AUH: variants seen among roughly 807,000 people sequenced by gnomAD.
The protein encoded by AUH is AU RNA binding methylglutaconyl-CoA hydratase.
In AUH, 29 loss-of-function variants were observed where a neutral mutation model predicts 42.3. That is an observed-to-expected ratio of 0.69 (90% CI 0.51 to 0.93). The LOEUF (loss-of-function observed/expected upper bound fraction) is 0.93. AUH is among the 40% of genes least tolerant of loss of function. AUH has a pLI of 0.00. For missense variants in AUH, 452 were observed against 438.1 expected, an observed-to-expected ratio of 1.03 and a Z score of -0.28; for synonymous variants, 174 against 166.4, an observed-to-expected ratio of 1.05 and a Z score of -0.35.
rs528237604 is a variant in AUH at position 91,301,591 on chromosome 9, G to A, written c.506-3515C>T. 1.2e-4 allele frequency among the ~76,000 whole-genome samples: 18 copies of A among 152,266 alleles called. No homozygotes were observed. The South Asian group carries it at 3.1e-3, about 26-fold the overall frequency. On this transcript the variant is annotated intron_variant, in intron 4 of 9. Transcript: ENST00000375731. ...TATGTTTCTAAAGAGGATGAAAATTGTGTGCCCTTGAGAAGCTTAACAATT... is the reference window on the plus strand; with the variant it reads ...TATGTTTCTAAAGAGGATGAAAATTATGTGCCCTTGAGAAGCTTAACAATT...
At chr9:91,224,881 A>G (rs549047224) in intron 6 of AUH, among the ~76,000 whole-genome samples, 2 of 152,322 alleles carry the variant, frequency 1.3e-5, no homozygotes, top group South Asian at 4.1e-4. Context: ...CAAGGTTTAT[A>G]AAAATGATAT....
At chr9:91,261,448 G>A (rs957045219) in intron 6 of AUH, among the ~76,000 whole-genome samples, 1 of 152,150 alleles carries the variant, frequency 6.6e-6, no homozygotes, top group Admixed American at 6.5e-5. Context: ...AATGTTCCCA[G>A]TTCACTTCTG....
At chr9:91,274,144 A>G (rs763427913) in intron 6 of AUH, among the ~76,000 whole-genome samples, 4 of 152,240 alleles carry the variant, frequency 2.6e-5, no homozygotes, top group Non-Finnish European at 5.9e-5. Context: ...ACTGATTATT[A>G]GCAGAAACAA....
intron 6 of AUH, among the ~76,000 whole-genome samples, chr9:91,236,557 A>T (rs1828196066): frequency 6.6e-6 from 1 of 152,166 alleles, no homozygotes; most frequent in Non-Finnish European, 1.5e-5. Flanking sequence ...GTGGCCCCAG[A>T]CCTGAGGACT....
chr9:91,294,606 A>C, intron 6 of AUH: 1 of 431,376 alleles, frequency 2.3e-6, no homozygotes, highest in South Asian at 1.7e-5. Flanking sequence ...ATAGACAGTG[A>C]TTCCTCTTAT....
At chr9:91,317,864 C>T (rs1829273516) in intron 4 of AUH, among the ~76,000 whole-genome samples, 1 of 152,210 alleles carries the variant, frequency 6.6e-6, no homozygotes, top group Non-Finnish European at 1.5e-5. Flanking sequence ...GCTTTTTCCT[C>T]AATCTACTGA....
chr9:91,280,418 G>GT (rs950272505), intron 6 of AUH, among the ~76,000 whole-genome samples: 2 of 152,040 alleles, frequency 1.3e-5, no homozygotes, highest in East Asian at 1.9e-4. Context: ...TGAATAACCT[G>GT]TTTTTTCTAA....
chr9:91,347,513 T>C (rs911653956), intron 3 of AUH, among the ~76,000 whole-genome samples: 1 of 152,100 alleles, frequency 6.6e-6, no homozygotes, highest in Non-Finnish European at 1.5e-5. Flanking sequence ...CTCTAACCCA[T>C]GGCTGCTTTT....
rs182517572 is a variant in AUH, at chr9:91,339,830, T to C, written c.419-14426A>G. 5.9e-5 allele frequency among the ~76,000 whole-genome samples: 9 copies of C among 152,270 alleles called. No individual in the cohort carries two copies. In the East Asian group the frequency reaches 1.2e-3, roughly 20 times the overall value. On this transcript the variant is annotated intron_variant, in intron 3 of 9. Coordinates refer to ENST00000375731, the MANE Select transcript of AUH (RefSeq NM_001698.3). ...ACTACCATCTGGGATCCTGTGACTG[T>C]CCCTGTTTTCTTCCTGAAGACACCT...
At chr9:91,305,774 G>T (rs1229621021) in intron 4 of AUH, among the ~76,000 whole-genome samples, 1 of 152,116 alleles carries the variant, frequency 6.6e-6, no homozygotes, top group Non-Finnish European at 1.5e-5. Context: ...GACACACTGA[G>T]GCACAAAGGA....
intron 4 of AUH, among the ~76,000 whole-genome samples, chr9:91,322,765 T>C (rs1829681197): frequency 6.6e-6 from 1 of 152,132 alleles, no homozygotes. Flanking sequence ...CCTTTATGAT[T>C]CTACCAAAAG....
chr9:91,250,575 A>AT (rs1829071205), intron 6 of AUH, among the ~76,000 whole-genome samples: 1 of 152,098 alleles, frequency 6.6e-6, no homozygotes. Context: ...ACTACAGAGT[A>AT]TTTTTTGCCA....
intron 6 of AUH, among the ~76,000 whole-genome samples, chr9:91,249,308 A>AAAG (rs1828987620): frequency 4.7e-5 from 7 of 149,644 alleles, no homozygotes; most frequent in South Asian, 4.2e-4. Context: ...AAAAAAAAAA[A>AAAG]AAAAAAAAAA....
chr9:91,324,548 A>G (rs964784483), intron 4 of AUH, among the ~76,000 whole-genome samples: 3 of 110,608 alleles, frequency 2.7e-5, no homozygotes, highest in Non-Finnish European at 5.7e-5. Context: ...AAAACCAAAT[A>G]AAAAAAAAAA....
At chr9:91,292,795 C>T (rs1356444503) in intron 6 of AUH, among the ~76,000 whole-genome samples, 2 of 152,112 alleles carry the variant, frequency 1.3e-5, no homozygotes, top group Non-Finnish European at 2.9e-5. Flanking sequence ...GGCATACAGG[C>T]ATACCTCATT....
At chr9:91,289,585 T>C (rs543878120) in intron 6 of AUH, among the ~76,000 whole-genome samples, 115 of 152,352 alleles carry the variant, frequency 7.5e-4, no homozygotes, top group Admixed American at 3.1e-3. Context: ...GTGTCTATTA[T>C]AGAAAGCTCT....
rs117063357 is a variant in AUH, at chr9:91,316,954, G to T, written c.505+8364C>A. ...TTTAAGAAACTCTTCTCTCTGTTAA[G>T]ATCATTGAAGTTTTAGTTTCCACTT... On this transcript the variant is annotated intron_variant, in intron 4 of 9. Coordinates refer to ENST00000375731, the MANE Select transcript of AUH (RefSeq NM_001698.3). Among the ~76,000 whole-genome samples, 1,332 of 152,174 alleles carry T rather than the reference G, an allele frequency of 8.8e-3. 5 individuals are homozygous for T. Among genetic ancestry groups the T allele is most frequent in the Non-Finnish European group, 0.013 (900 of 68,006 alleles).
In AUH at chr9:91,355,973, A is replaced by C; in HGVS notation, c.331-3T>G. On this transcript the variant is annotated splice_polypyrimidine_tract_variant and splice_region_variant and intron_variant, in intron 2 of 9. Coordinates refer to ENST00000375731, the MANE Select transcript of AUH (RefSeq NM_001698.3). ...AAAGCATCCACAGCTTTTGATAGCT[A>C]AACAGAAATAGGAAGCATAGGAGGA... The C allele has an allele frequency of 6.2e-7, 1 of 1,612,642 alleles. No homozygotes were observed.
intron 6 of AUH, among the ~76,000 whole-genome samples, chr9:91,246,306 A>C (rs2131363468): frequency 6.6e-6 from 1 of 152,336 alleles, no homozygotes; most frequent in South Asian, 2.1e-4. Flanking sequence ...TTAACAAAAG[A>C]CATGGCATAG....
Sources: allele counts gnomAD v4.1 joint callset (sites outside exome capture counted in the v4.1 genomes callset), GRCh38; gene constraint gnomAD v4.1.1; transcripts MANE v1.5; gene names NCBI Gene and HGNC (gene_info 2026-07-23, HGNC 2026-07-21).